The following TCF7L1 variants were observed in gnomAD, a reference collection of about 807,000 sequenced individuals.
The protein encoded by TCF7L1 is transcription factor 7-like 1.
TCF7L1 carries 18 observed loss-of-function variants against 63.7 expected under a neutral mutation model. That is an observed-to-expected ratio of 0.28 (90% CI 0.20 to 0.42). The LOEUF (loss-of-function observed/expected upper bound fraction) is 0.42. Among genes scored for constraint, TCF7L1 ranks in the 10% least tolerant of loss-of-function variants. The pLI, the probability that TCF7L1 is intolerant of heterozygous loss-of-function variation, is 1.00. For synonymous variants in TCF7L1, 355 were observed against 340.9 expected, an observed-to-expected ratio of 1.04 and a Z score of -0.46; for missense variants, 654 against 779.3, an observed-to-expected ratio of 0.84 and a Z score of 1.91.
At position 85,238,708 on chromosome 2, in the gene TCF7L1, G is replaced by A. The variant is rs148190246; in HGVS notation, c.442-44787G>A. On this transcript the variant is annotated intron_variant, in intron 3 of 11. Coordinates refer to ENST00000282111, the MANE Select transcript of TCF7L1 (RefSeq NM_031283.3). ...AATGATACACCATACAGAGGACTGCGCAGCACAGTGGGGTAGTATCTGAGG... is the reference window on the plus strand; with the variant it reads ...AATGATACACCATACAGAGGACTGCACAGCACAGTGGGGTAGTATCTGAGG... Among the ~76,000 whole-genome samples the A allele has an allele frequency of 2.2e-4, 34 of 152,252 alleles. 1 individual carries two copies. The East Asian group carries it at 6.5e-3, about 29-fold the overall frequency.
At chr2:85,171,496 C>T (rs1277273212) in intron 3 of TCF7L1, among the ~76,000 whole-genome samples, 1 of 152,238 alleles carries the variant, frequency 6.6e-6, no homozygotes, top group Non-Finnish European at 1.5e-5. Context: ...TGTACTGCTA[C>T]TCACAGGACT....
intron 3 of TCF7L1, among the ~76,000 whole-genome samples, chr2:85,206,207 C>A (rs1356858996): frequency 4.6e-5 from 7 of 152,208 alleles, no homozygotes; most frequent in African/African-American, 1.4e-4. Context: ...ACTGAGTCCA[C>A]CTTGGTGGGA....
intron 3 of TCF7L1, among the ~76,000 whole-genome samples, chr2:85,135,745 G>A (rs1301781999): frequency 6.6e-6 from 1 of 151,728 alleles, no homozygotes; most frequent in Non-Finnish European, 1.5e-5. Flanking sequence ...GGGGAATGGG[G>A]AGTGGGACTA....
intron 3 of TCF7L1, among the ~76,000 whole-genome samples, chr2:85,246,790 T>C (rs1415336573): frequency 1.3e-5 from 2 of 152,226 alleles, no homozygotes; most frequent in Admixed American, 6.5e-5. Flanking sequence ...CATGAAATCA[T>C]GCAGTCTAGT....
At chr2:85,182,533 G>A (rs986639228) in intron 3 of TCF7L1, among the ~76,000 whole-genome samples, 2 of 152,176 alleles carry the variant, frequency 1.3e-5, no homozygotes, top group African/African-American at 4.8e-5. Context: ...TTCCAGGCAG[G>A]ATAAGATAAC....
At chr2:85,263,088 G>A (rs761154263) in intron 3 of TCF7L1, among the ~76,000 whole-genome samples, 9 of 152,246 alleles carry the variant, frequency 5.9e-5, no homozygotes, top group Non-Finnish European at 1.2e-4. Flanking sequence ...AATGACCAAA[G>A]GTACCCAGGG....
At chr2:85,209,483 G>A (rs1342192050) in intron 3 of TCF7L1, among the ~76,000 whole-genome samples, 1 of 152,202 alleles carries the variant, frequency 6.6e-6, no homozygotes, top group Admixed American at 6.5e-5. Context: ...GCTCTGAAAA[G>A]GCACTGTTTG....
chr2:85,291,586 TTTTGG>T (rs1681718252), intron 4 of TCF7L1, among the ~76,000 whole-genome samples: 1 of 128,392 alleles, frequency 7.8e-6, no homozygotes, highest in African/African-American at 3.5e-5. Flanking sequence ...TTGGTTTTGG[TTTTGG>T]TTTTAGGACG....
chr2:85,209,496 A>T (rs1411632744), intron 3 of TCF7L1, among the ~76,000 whole-genome samples: 1 of 152,020 alleles, frequency 6.6e-6, no homozygotes, highest in Non-Finnish European at 1.5e-5. Context: ...ACTGTTTGAA[A>T]CCTCAATGCC....
rs766119938 is a variant in TCF7L1 at position 85,304,123 on chromosome 2, C to T, written c.761+126C>T. On this transcript the variant is annotated intron_variant, in intron 6 of 11. Transcript: ENST00000282111. ...GCCCAGGACTAGGCCTCCCTGCCCCCGCCCAGGCAGCGTGCTCCCAGCATT... is the reference window on the plus strand; with the variant it reads ...GCCCAGGACTAGGCCTCCCTGCCCCTGCCCAGGCAGCGTGCTCCCAGCATT... 1.6e-5 allele frequency: 19 copies of T among 1,206,164 alleles called. No individual in the cohort carries two copies. The Admixed American group carries it at 2.3e-4, about 15-fold the overall frequency. The allele number at this position is 1,206,164 out of a possible 1,614,324, so 74.7% of individuals were successfully genotyped here.
intron 3 of TCF7L1, among the ~76,000 whole-genome samples, chr2:85,212,260 GCT>G: frequency 6.6e-6 from 1 of 152,244 alleles, no homozygotes; most frequent in East Asian, 1.9e-4. Flanking sequence ...GCTGAGTGGG[GCT>G]GGGTTCAAAC....
chr2:85,243,387 T>C (rs1248348980), intron 3 of TCF7L1, among the ~76,000 whole-genome samples: 1 of 152,122 alleles, frequency 6.6e-6, no homozygotes, highest in Non-Finnish European at 1.5e-5. Flanking sequence ...TGTTTTGAGT[T>C]TCAAAAGGGC....
rs78544253 is a variant in TCF7L1, at chr2:85,256,686, G to A, written c.442-26809G>A. Among the ~76,000 whole-genome samples the A allele has an allele frequency of 3.8e-3, 584 of 152,288 alleles. 14 individuals are homozygous for A. The East Asian group carries it at 0.055, about 14-fold the overall frequency. On this transcript the variant is annotated intron_variant, in intron 3 of 11. Transcript: ENST00000282111. ...ATTCTACATCTTGATCTAGGCTGGT[G>A]GTTACATTGATATTTACATATTGGG... is the stretch of plus-strand genomic sequence containing the variant.
chr2:85,239,586 C>G (rs554637886), intron 3 of TCF7L1, among the ~76,000 whole-genome samples: 4 of 152,304 alleles, frequency 2.6e-5, no homozygotes, highest in East Asian at 1.9e-4. Context: ...CAGGGTGGTA[C>G]TGTCCAATAA....
chr2:85,218,403 A>T (rs72932692), intron 3 of TCF7L1, among the ~76,000 whole-genome samples: 5,617 of 152,122 alleles, frequency 0.037, 351 homozygotes, highest in African/African-American at 0.13. Flanking sequence ...CTATAAGCAC[A>T]TGCCACCATG....
chr2:85,251,420 A>G (rs917321631), intron 3 of TCF7L1, among the ~76,000 whole-genome samples: 5 of 152,226 alleles, frequency 3.3e-5, no homozygotes, highest in Admixed American at 1.3e-4. Context: ...TATATAGTGT[A>G]AACAGTAGGG....
intron 3 of TCF7L1, among the ~76,000 whole-genome samples, chr2:85,160,036 T>C (rs986609796): frequency 6.6e-6 from 1 of 152,236 alleles, no homozygotes. Flanking sequence ...TTTCTCACTC[T>C]ACCTAAAGGC....
At chr2:85,280,115 G>A (rs1321479242) in intron 3 of TCF7L1, among the ~76,000 whole-genome samples, 1 of 152,128 alleles carries the variant, frequency 6.6e-6, no homozygotes, top group Non-Finnish European at 1.5e-5. Context: ...CAGTCTATTG[G>A]GTGCCAGCTC....
At chr2:85,298,481 CAAA>C (rs775849544) in intron 4 of TCF7L1, among the ~76,000 whole-genome samples, 4 of 71,042 alleles carry the variant, frequency 5.6e-5, no homozygotes, top group African/African-American at 6.1e-5. Context: ...GACTCTGTCT[CAAA>C]AAAAAAAAAA....
Sources: gnomAD v4.1 joint callset for allele counts (sites outside exome capture counted in the v4.1 genomes callset) on GRCh38, gnomAD v4.1.1 for gene constraint, MANE v1.5 for transcripts, NCBI Gene and HGNC (gene_info 2026-07-23, HGNC 2026-07-21) for gene names.